DLC1: variants seen among roughly 807,000 people sequenced by gnomAD.
DLC1 encodes rho GTPase-activating protein 7.
Under a neutral mutation model 140.3 loss-of-function variants are expected in DLC1, and 54 were observed. The observed-to-expected ratio is 0.38, with a 90% CI of 0.31 to 0.48. The LOEUF (loss-of-function observed/expected upper bound fraction) is 0.48, where lower values mean the gene tolerates loss of function less well. Ranked by LOEUF, DLC1 falls within the 20% of genes least tolerant of loss-of-function variation. DLC1 has a pLI of 0.96. For synonymous variants in DLC1, 986 were observed against 728.1 expected, an observed-to-expected ratio of 1.35 and a Z score of -5.70; for missense variants, 2,536 against 1,907.0, an observed-to-expected ratio of 1.33 and a Z score of -6.14.
intron 1 of DLC1, among the ~76,000 whole-genome samples, chr8:13,528,479 A>G (rs1029322924): frequency 5.3e-5 from 8 of 152,230 alleles, no homozygotes; most frequent in African/African-American, 1.9e-4. Context: ...TTTGTAAAAC[A>G]TGTGTTATAA....
Position 13,463,093 on chromosome 8 carries a change from G to A in DLC1, c.1023+35956C>T, listed in dbSNP as rs116287883. Among the ~76,000 whole-genome samples, 495 of 147,828 alleles carry A rather than the reference G, an allele frequency of 3.3e-3. 2 individuals are homozygous for A. The highest frequency in any genetic ancestry group is 0.011 in the African/African-American group (453 of 40,366). On this transcript the variant is annotated intron_variant, in intron 2 of 17. Coordinates refer to ENST00000276297, the MANE Select transcript of DLC1 (RefSeq NM_182643.3). Reference sequence around the variant, plus strand: ...GTCTTAAAAAACAAACAAAAAACAAGCAAAGGTAGTTTATGAGCTGGTTTT... The same window carrying A: ...GTCTTAAAAAACAAACAAAAAACAAACAAAGGTAGTTTATGAGCTGGTTTT...
rs76810117 is a variant in DLC1, at chr8:13,113,529, C to T, written c.1420+2057G>A. On this transcript the variant is annotated intron_variant, in intron 6 of 17. Transcript: ENST00000276297. ...ATTGGGTCTTAGCAAACATATATAT[C>T]ACAAGAAAGTGCTACCTGGCAGCAA... Among the ~76,000 whole-genome samples, 4 of 152,302 alleles carry T rather than the reference C, an allele frequency of 2.6e-5. No individual in the cohort carries two copies. The East Asian group carries it at 7.7e-4, about 29-fold the overall frequency.
At chr8:13,288,051 T>C (rs1395063467) in intron 5 of DLC1, among the ~76,000 whole-genome samples, 2 of 152,156 alleles carry the variant, frequency 1.3e-5, no homozygotes, top group African/African-American at 2.4e-5. Context: ...GGTTGAATTA[T>C]AATAAATCAG....
chr8:13,534,367 T>TAA (rs1803197738), intron 1 of DLC1, among the ~76,000 whole-genome samples: 1 of 152,134 alleles, frequency 6.6e-6, no homozygotes, highest in Admixed American at 6.5e-5. Context: ...TCCACTTAAG[T>TAA]ACACACACAC....
intron 1 of DLC1, among the ~76,000 whole-genome samples, chr8:13,574,423 A>G (rs1373157229): frequency 6.6e-6 from 1 of 152,076 alleles, no homozygotes. Flanking sequence ...AATATATTCA[A>G]AGGGGGTTGG....
Position 13,351,511 on chromosome 8 carries a change from G to GA in DLC1, c.1314+42041dup, listed in dbSNP as rs969301511. On this transcript the variant is annotated intron_variant, in intron 4 of 17. Transcript: ENST00000276297. ...GTGAACTACATTTTTTGGATGTTTG[G>GA]AAAAAAAAAGTGACAGAATATATTG... Among the ~76,000 whole-genome samples the GA allele has an allele frequency of 1.9e-4, 29 of 150,458 alleles. 1 individual carries two copies. Among genetic ancestry groups the GA allele is most frequent in the African/African-American group, 4.6e-4 (19 of 41,104 alleles).
rs141114897 is a variant in DLC1, at chr8:13,364,948, C to T, written c.1314+28605G>A. Among the ~76,000 whole-genome samples, 585 of 152,322 alleles carry T rather than the reference C, an allele frequency of 3.8e-3. 8 individuals are homozygous for T. The highest frequency in any genetic ancestry group is 0.013 in the African/African-American group (534 of 41,568). On this transcript the variant is annotated intron_variant, in intron 4 of 17. Coordinates refer to ENST00000276297, the MANE Select transcript of DLC1 (RefSeq NM_182643.3). Reference sequence around the variant, plus strand: ...TGTTTTCTGTCCTTAAAAGGACCCTCATCTTTTGCCAAGGATTAAATTCTT... The same window carrying T: ...TGTTTTCTGTCCTTAAAAGGACCCTTATCTTTTGCCAAGGATTAAATTCTT...
chr8:13,425,185 A>G (rs1374816999), intron 2 of DLC1, among the ~76,000 whole-genome samples: 1 of 152,138 alleles, frequency 6.6e-6, no homozygotes, highest in African/African-American at 2.4e-5. Flanking sequence ...GCACGAGTCA[A>G]GCGGCTGTTT....
intron 1 of DLC1, among the ~76,000 whole-genome samples, chr8:13,574,570 A>G (rs528532559): frequency 1.7e-3 from 258 of 152,246 alleles, no homozygotes; most frequent in African/African-American, 5.8e-3. Context: ...GTGTCTAGCC[A>G]CTTAGTACAT....
chr8:13,472,950 A>G (rs1262146963), intron 2 of DLC1, among the ~76,000 whole-genome samples: 2 of 152,202 alleles, frequency 1.3e-5, no homozygotes, highest in Admixed American at 6.5e-5. Context: ...GAGTACCTGA[A>G]TACTAGTCAT....
At chr8:13,212,297 C>T (rs1488671777) in intron 5 of DLC1, among the ~76,000 whole-genome samples, 2 of 152,162 alleles carry the variant, frequency 1.3e-5, no homozygotes, top group African/African-American at 4.8e-5. Context: ...TCTTCCCCTA[C>T]ACTATGTTAG....
At chr8:13,113,322 A>T (rs1047147830) in intron 6 of DLC1, among the ~76,000 whole-genome samples, 4 of 152,146 alleles carry the variant, frequency 2.6e-5, no homozygotes, top group African/African-American at 9.7e-5. Flanking sequence ...TAGTGTATGT[A>T]CTCACCCAGC....
chr8:13,565,840 G>A (rs922633202), intron 1 of DLC1, among the ~76,000 whole-genome samples: 2 of 152,032 alleles, frequency 1.3e-5, no homozygotes, highest in Admixed American at 1.3e-4. Flanking sequence ...AATTTCTCAC[G>A]ATAATTAATA....
intron 4 of DLC1, among the ~76,000 whole-genome samples, chr8:13,311,222 C>A (rs984484474): frequency 6.6e-6 from 1 of 152,172 alleles, no homozygotes; most frequent in African/African-American, 2.4e-5. Flanking sequence ...GGTTAAGTGA[C>A]TTGCCCATTA....
chr8:13,184,018 T>A (rs1256146553), intron 5 of DLC1, among the ~76,000 whole-genome samples: 1 of 152,242 alleles, frequency 6.6e-6, no homozygotes, highest in Non-Finnish European at 1.5e-5. Context: ...ATTGAGAGAT[T>A]CAACTTCTTC....
Position 13,304,287 on chromosome 8 carries a change from A to G in DLC1, c.1348+982T>C, listed in dbSNP as rs1038693015. On this transcript the variant is annotated intron_variant, in intron 5 of 17. Transcript: ENST00000276297. Reference sequence around the variant, plus strand: ...GTTGTGTGATTTTTCTCTTGAGCTGACATATGATGCCAGTTCAATATTTTC... The same window carrying G: ...GTTGTGTGATTTTTCTCTTGAGCTGGCATATGATGCCAGTTCAATATTTTC... Among the ~76,000 whole-genome samples the G allele has an allele frequency of 2.6e-5, 4 of 152,300 alleles. 1 individual carries two copies. The highest frequency in any genetic ancestry group is 2.6e-4 in the Admixed American group (4 of 15,294).
At chr8:13,522,697 G>T (rs1403445540) in intron 1 of DLC1, among the ~76,000 whole-genome samples, 1 of 151,984 alleles carries the variant, frequency 6.6e-6, no homozygotes, top group Admixed American at 6.6e-5. Context: ...GTATTATGTA[G>T]TATATGGACA....
At chr8:13,275,837 C>T (rs1370847703) in intron 5 of DLC1, among the ~76,000 whole-genome samples, 1 of 152,314 alleles carries the variant, frequency 6.6e-6, no homozygotes, top group East Asian at 1.9e-4. Context: ...GGCCCCTCTC[C>T]TGCACACACG....
chr8:13,360,189 GGTT>G (rs1261441538), intron 4 of DLC1, among the ~76,000 whole-genome samples: 1 of 152,032 alleles, frequency 6.6e-6, no homozygotes, highest in African/African-American at 2.4e-5. Flanking sequence ...ATACCTGCCT[GGTT>G]GTACTATTTT....
Sources: allele counts gnomAD v4.1 joint callset (sites outside exome capture counted in the v4.1 genomes callset), GRCh38; gene constraint gnomAD v4.1.1; transcripts MANE v1.5; gene names NCBI Gene and HGNC (gene_info 2026-07-23, HGNC 2026-07-21).